DHDDS: variants seen among roughly 807,000 people sequenced by gnomAD.
DHDDS encodes dehydrodolichyl diphosphate synthase subunit.
Under a neutral mutation model 46.2 loss-of-function variants are expected in DHDDS, and 16 were observed. The observed-to-expected ratio is 0.35, with a 90% confidence interval of 0.23 to 0.53. The LOEUF is 0.53. Among genes scored for constraint, DHDDS ranks in the 20% least tolerant of loss-of-function variants. DHDDS has a pLI of 0.94. For synonymous variants in DHDDS, 151 were observed against 163.1 expected, an observed-to-expected ratio of 0.93 and a Z score of 0.56; for missense variants, 340 against 423.7, an observed-to-expected ratio of 0.80 and a Z score of 1.73.
At chr1:26,433,608 C>G (rs1313206096) in intron 2 of DHDDS, among the ~76,000 whole-genome samples, 2 of 149,952 alleles carry the variant, frequency 1.3e-5, no homozygotes, top group Non-Finnish European at 3.0e-5. Context: ...ATTGTGCCAC[C>G]ACACTCCAGC....
chr1:26,457,580 A>G (rs533136129), intron 6 of DHDDS, among the ~76,000 whole-genome samples: 24 of 152,092 alleles, frequency 1.6e-4, no homozygotes, highest in African/African-American at 5.1e-4. Flanking sequence ...AAAAAAAAAA[A>G]AAAGAAATAC....
chr1:26,468,812 C>CCCCCCCCCCA, intron 8 of DHDDS, 83 bp from the exon 9 acceptor site: 2 of 601,120 alleles, frequency 3.3e-6, no homozygotes, highest in Non-Finnish European at 5.6e-6. Flanking sequence ...CCACCCTGTG[C>CCCCCCCCCCA]CCCACCCCCT....
At chr1:26,447,518 C>T in intron 5 of DHDDS, 41 bp from the exon 6 acceptor site, 2 of 1,528,302 alleles carry the variant, frequency 1.3e-6, no homozygotes, top group Non-Finnish European at 1.8e-6. Flanking sequence ...TCATCAGTCC[C>T]TGTCCCCCTT....
chr1:26,463,757 C>T (rs771096123), intron 8 of DHDDS, among the ~76,000 whole-genome samples: 5 of 151,956 alleles, frequency 3.3e-5, no homozygotes, highest in Admixed American at 2.6e-4. Context: ...CTGCCCGCCT[C>T]GGCCTCCCAA....
intron 8 of DHDDS, among the ~76,000 whole-genome samples, chr1:26,468,167 C>T (rs575674894): frequency 2.4e-4 from 37 of 152,296 alleles, no homozygotes; most frequent in African/African-American, 8.7e-4. Flanking sequence ...AACACTTATT[C>T]TACTATGCAG....
chr1:26,451,826 C>T (rs997277495), intron 6 of DHDDS, among the ~76,000 whole-genome samples: 2 of 151,940 alleles, frequency 1.3e-5, no homozygotes, highest in Admixed American at 1.3e-4. Flanking sequence ...AGACGGGTTT[C>T]ACCATGTTAG....
rs1222758725 is a variant in DHDDS, at chr1:26,461,450, A to G, written c.765+1306A>G. On this transcript the variant is annotated intron_variant, in intron 8 of 8. Coordinates refer to ENST00000236342, the MANE Select transcript of DHDDS (RefSeq NM_205861.3). ...GCCCAGGCTGGAGTGCAATGGCGCA[A>G]TCTCGGCTCACCGAAACCTCCGCCT... Among the ~76,000 whole-genome samples the G allele has an allele frequency of 1.3e-5, 2 of 151,128 alleles. 1 individual carries two copies. The highest frequency in any genetic ancestry group is 2.9e-5 in the Non-Finnish European group (2 of 67,850).
intron 2 of DHDDS, among the ~76,000 whole-genome samples, chr1:26,437,796 GAAAAA>G (rs886306490): frequency 1.6e-5 from 2 of 127,538 alleles, no homozygotes; most frequent in East Asian, 2.3e-4. Flanking sequence ...CTTAAAAAAA[GAAAAA>G]AAAAAAAAGA....
intron 6 of DHDDS, chr1:26,455,014 TA>T: frequency 7.4e-7 from 1 of 1,360,380 alleles, no homozygotes; most frequent in Non-Finnish European, 1.1e-6. Context: ...GTCGGAATGG[TA>T]CGCACTGTTT....
chr1:26,454,098 C>T (rs1227096026), intron 6 of DHDDS, among the ~76,000 whole-genome samples: 6 of 152,036 alleles, frequency 3.9e-5, no homozygotes, highest in African/African-American at 1.4e-4. Context: ...GGACTACAGG[C>T]GCCCACCACC....
At chr1:26,447,721 G>A (rs1327071950) in intron 6 of DHDDS, 61 bp downstream of exon 6, 2 of 1,456,336 alleles carry the variant, frequency 1.4e-6, no homozygotes, top group Non-Finnish European at 1.9e-6. Flanking sequence ...CAGCATGGCA[G>A]CTCACGCCTG....
intron 8 of DHDDS, among the ~76,000 whole-genome samples, chr1:26,462,595 G>T (rs983576712): frequency 1.3e-5 from 2 of 152,150 alleles, no homozygotes; most frequent in Non-Finnish European, 2.9e-5. Context: ...TTGGAATTAT[G>T]TATATAAAAT....
rs2075386033 is a variant in DHDDS at position 26,457,858 on chromosome 1, A to G, written c.610A>G (p.Ile204Val). Reference sequence around the variant, plus strand: ...CCGCTCTCCTCATCCTGACATCTTGATACGGACTTCTGGAGAAGTGCGGCT... The same window carrying G: ...CCGCTCTCCTCATCCTGACATCTTGGTACGGACTTCTGGAGAAGTGCGGCT... ...TNRSPHPDIL[I>V]RTSGEVRLSD... Residue 204 changes from isoleucine to valine, a missense_variant, in exon 7 of 9, where the codon ATA becomes GTA. Ile to Val is a conservative substitution (Grantham distance 29). Around this residue, in one of 2 missense-constraint regions of DHDDS, gnomAD observed 268 missense variants for 300.3 expected, o/e 0.89. Transcript: ENST00000236342. 1.2e-6 allele frequency: 2 copies of G among 1,613,810 alleles called. No homozygotes were observed. Among genetic ancestry groups the G allele is most frequent in the Admixed American group, 1.7e-5 (1 of 59,978 alleles).
chr1:26,436,585 G>A (rs977770036), intron 2 of DHDDS, among the ~76,000 whole-genome samples: 1 of 151,582 alleles, frequency 6.6e-6, no homozygotes, highest in Non-Finnish European at 1.5e-5. Context: ...CACCACGCCC[G>A]GCTAACTTTT....
rs2124489198 is a variant in DHDDS at position 26,457,797 on chromosome 1, C to T, written c.549C>T (p.Ile183=). The T allele has an allele frequency of 6.2e-7, 1 of 1,610,676 alleles. No homozygotes were observed. Among genetic ancestry groups the T allele is most frequent in the Non-Finnish European group, 8.5e-7 (1 of 1,177,050 alleles). ...VEQGLLDPSD[I]SESLLDKCLY... is the part of the protein sequence containing the mutation. The stretch of plus-strand genomic sequence containing the variant: ...CTCTTCTTGCTCATCTTAGTGATAT[C>T]TCTGAGTCTCTGCTTGATAAGTGCC... The change falls in exon 7 of 9, where the codon ATC becomes ATT. Residue 183 remains isoleucine (I), a synonymous_variant. Transcript: ENST00000236342.
chr1:26,443,052 C>CTTGTTT, intron 4 of DHDDS, 179 bp downstream of exon 4: 1 of 999,580 alleles, frequency 1.0e-6, no homozygotes, highest in Admixed American at 3.2e-5. Flanking sequence ...TTATTTCTAA[C>CTTGTTT]TTTTTAATAA....
chr1:26,454,516 T>C (rs771866233), intron 6 of DHDDS: 1 of 553,422 alleles, frequency 1.8e-6, no homozygotes, highest in Non-Finnish European at 3.2e-6. Flanking sequence ...GTTCCCAAAG[T>C]GCACTCAAAT....
Position 26,460,116 on chromosome 1 carries a change from A to G in DHDDS, c.737A>G (p.Gln246Arg). The stretch of plus-strand genomic sequence containing the variant: ...TGGAACCTCTTCGAGGCCATCCTGC[A>G]GTTCCAGATGAACCATAGCGTGCTT... ...TFWNLFEAIL[Q>R]FQMNHSVLQK... Residue 246 changes from glutamine (Q) to arginine (R), a missense_variant, in exon 8 of 9, where the codon CAG becomes CGG. Gln to Arg is a conservative substitution (Grantham distance 43). Coordinates refer to ENST00000236342, the MANE Select transcript of DHDDS (RefSeq NM_205861.3). The G allele has an allele frequency of 6.2e-7, 1 of 1,614,194 alleles. No homozygotes were observed. Among genetic ancestry groups the G allele is most frequent in the Non-Finnish European group, 8.5e-7 (1 of 1,180,014 alleles).
chr1:26,466,111 T>C (rs2075482959), intron 8 of DHDDS: 1 of 152,202 alleles, frequency 6.6e-6, no homozygotes, highest in Non-Finnish European at 1.5e-5. Context: ...TAGAACCACA[T>C]TTCTCAAAGT....
Sources: gnomAD v4.1 joint callset for allele counts (sites outside exome capture counted in the v4.1 genomes callset) on GRCh38, gnomAD v4.1.1 for gene constraint, gnomAD v4.1.1 regional missense constraint, MANE v1.5 for transcripts, NCBI Gene and HGNC (gene_info 2026-07-23, HGNC 2026-07-21) for gene names.